Variants in UBE3D observed in about 807,000 individuals in gnomAD.
The protein encoded by UBE3D is E3 ubiquitin-protein ligase E3D.
In UBE3D, 48 loss-of-function variants were observed where a neutral mutation model predicts 49.6. That is an observed-to-expected ratio of 0.97 (90% CI 0.77 to 1.23). The LOEUF is 1.23. Ranked by LOEUF, UBE3D falls within the 50% of genes most tolerant of loss-of-function variation. The probability of loss-of-function intolerance (pLI) is 0.00; values close to 1 mark genes in which losing one functional copy is unlikely to be tolerated. For synonymous variants in UBE3D, 189 were observed against 174.2 expected, an observed-to-expected ratio of 1.08 and a Z score of -0.67; for missense variants, 452 against 468.4, an observed-to-expected ratio of 0.96 and a Z score of 0.32.
At chr6:82,903,677 A>G (rs1412919115) in intron 9 of UBE3D, among the ~76,000 whole-genome samples, 1 of 152,182 alleles carries the variant, frequency 6.6e-6, no homozygotes, top group Non-Finnish European at 1.5e-5. Context: ...GCAAATTTTA[A>G]AAAGAAAAAC....
chr6:82,967,812 T>TA (rs757369807), intron 8 of UBE3D, among the ~76,000 whole-genome samples: 71 of 147,606 alleles, frequency 4.8e-4, no homozygotes, highest in East Asian at 7.9e-4. Flanking sequence ...AGGCTAAGTT[T>TA]AAAAAAAAAA....
At chr6:83,013,433 T>C (rs143296633) in intron 8 of UBE3D, among the ~76,000 whole-genome samples, 11 of 152,314 alleles carry the variant, frequency 7.2e-5, no homozygotes, top group South Asian at 2.1e-4. Context: ...TCTAGCACCA[T>C]TGGATCTGCT....
intron 8 of UBE3D, among the ~76,000 whole-genome samples, chr6:83,002,224 T>C (rs1779678698): frequency 6.6e-6 from 1 of 152,202 alleles, no homozygotes; most frequent in African/African-American, 2.4e-5. Context: ...AGAATACTGT[T>C]CTCCATGAAA....
intron 8 of UBE3D, among the ~76,000 whole-genome samples, chr6:83,002,491 C>T (rs1332703888): frequency 6.6e-6 from 1 of 152,170 alleles, no homozygotes; most frequent in Non-Finnish European, 1.5e-5. Flanking sequence ...TCGAGACCAA[C>T]CTGGCCAACC....
intron 3 of UBE3D, among the ~76,000 whole-genome samples, chr6:83,053,138 T>A (rs886674076): frequency 1.3e-5 from 2 of 152,260 alleles, no homozygotes; most frequent in African/African-American, 4.8e-5. Context: ...GGCAATTTTT[T>A]AAAAACTCAT....
intron 8 of UBE3D, among the ~76,000 whole-genome samples, chr6:82,982,047 C>T (rs1011057455): frequency 6.6e-6 from 1 of 152,050 alleles, no homozygotes; most frequent in Admixed American, 6.6e-5. Context: ...AATCATTTAA[C>T]CTAAATTTTT....
chr6:83,003,879 G>A (rs559692005), intron 8 of UBE3D, among the ~76,000 whole-genome samples: 1 of 152,254 alleles, frequency 6.6e-6, no homozygotes, highest in Admixed American at 6.5e-5. Flanking sequence ...AGAAGTATGT[G>A]CTTAATTTGC....
intron 5 of UBE3D, among the ~76,000 whole-genome samples, chr6:83,031,960 A>G (rs960010792): frequency 1.4e-4 from 22 of 152,282 alleles, no homozygotes; most frequent in Admixed American, 5.9e-4. Context: ...CTCCACCAAG[A>G]TTTCTGAGAC....
the UBE3D span, among the ~76,000 whole-genome samples, chr6:82,884,526 C>T: frequency 6.6e-6 from 1 of 152,112 alleles, no homozygotes; most frequent in South Asian, 2.1e-4. Flanking sequence ...TTTATTCCTG[C>T]TCATTTCACC....
chr6:82,896,765 A>C (rs1287513527), intron 9 of UBE3D, among the ~76,000 whole-genome samples: 1 of 150,398 alleles, frequency 6.6e-6, no homozygotes, highest in Non-Finnish European at 1.5e-5. Flanking sequence ...TTTTTGAGAG[A>C]GAGTCTTGCT....
chr6:82,904,329 G>A (rs1414948755), intron 9 of UBE3D, among the ~76,000 whole-genome samples: 1 of 152,186 alleles, frequency 6.6e-6, no homozygotes, highest in Non-Finnish European at 1.5e-5. Flanking sequence ...TATCAACCAC[G>A]TTAAACGAGG....
chr6:82,947,342 A>G (rs1259054899), intron 9 of UBE3D, among the ~76,000 whole-genome samples: 2 of 152,070 alleles, frequency 1.3e-5, no homozygotes, highest in Non-Finnish European at 2.9e-5. Flanking sequence ...CAATAAAATA[A>G]TAACTGGAGA....
chr6:83,060,238 TG>T (rs1784088890), intron 1 of UBE3D, among the ~76,000 whole-genome samples: 1 of 151,798 alleles, frequency 6.6e-6, no homozygotes, highest in African/African-American at 2.4e-5. Context: ...CAGGGGGAGG[TG>T]GCAAAGGATG....
At chr6:82,990,875 G>A (rs1778836784) in intron 8 of UBE3D, among the ~76,000 whole-genome samples, 1 of 152,026 alleles carries the variant, frequency 6.6e-6, no homozygotes, top group Non-Finnish European at 1.5e-5. Flanking sequence ...ATGAACTTGG[G>A]GTCCTTTTTT....
chr6:83,034,268 T>C (rs1451149991), intron 5 of UBE3D, among the ~76,000 whole-genome samples: 6 of 152,094 alleles, frequency 3.9e-5, no homozygotes, highest in Admixed American at 3.9e-4. Flanking sequence ...TCTAATATAC[T>C]TTTGTATCAT....
intron 8 of UBE3D, among the ~76,000 whole-genome samples, chr6:82,999,087 C>T (rs909231399): frequency 1.3e-5 from 2 of 152,140 alleles, no homozygotes; most frequent in Admixed American, 6.5e-5. Context: ...CGTCCACTAC[C>T]GTTATCCCTT....
downstream of UBE3D, among the ~76,000 whole-genome samples, chr6:82,887,721 GAAAGA>G (rs1054756528): frequency 2.6e-5 from 3 of 115,926 alleles, no homozygotes; most frequent in African/African-American, 1.2e-4. Context: ...CAAAAAAAAA[GAAAGA>G]AAAGAAAAGA....
In UBE3D at chr6:82,906,305, G is replaced by A. The variant is rs569597671; in HGVS notation, c.1150-13263C>T. ...GAAATCAGGCTTTTTGTTCTGCAGA[G>A]TTTTCCAAAGACTGAAATGTGACCA... On this transcript the variant is annotated intron_variant, in intron 9 of 9. Coordinates refer to ENST00000369747, the MANE Select transcript of UBE3D (RefSeq NM_198920.3). 4.3e-4 allele frequency among the ~76,000 whole-genome samples: 65 copies of A among 152,194 alleles called. No homozygotes were observed. In the South Asian group the frequency reaches 0.012, roughly 28 times the overall value.
intron 9 of UBE3D, chr6:82,924,928 C>G (rs181310431): frequency 1.3e-5 from 2 of 152,276 alleles, no homozygotes; most frequent in Admixed American, 6.5e-5. Flanking sequence ...ATCATATCTG[C>G]TGGGCCTAAA....
Sources: gnomAD v4.1 joint callset for allele counts (sites outside exome capture counted in the v4.1 genomes callset) on GRCh38, gnomAD v4.1.1 for gene constraint, MANE v1.5 for transcripts, NCBI Gene and HGNC (gene_info 2026-07-23, HGNC 2026-07-21) for gene names.